The following LRP4 variants were observed in gnomAD, a reference collection of about 807,000 sequenced individuals.
LRP4 encodes the protein LDL receptor related protein 4, also known as low-density lipoprotein receptor-related protein 4.
LRP4 carries 95 observed loss-of-function variants against 220.3 expected under a neutral mutation model. The observed-to-expected ratio is 0.43, with a 90% CI of 0.37 to 0.51. The LOEUF (loss-of-function observed/expected upper bound fraction) is 0.51, where lower values mean the gene tolerates loss of function less well. Ranked by LOEUF, LRP4 falls within the 20% of genes least tolerant of loss-of-function variation. The probability of loss-of-function intolerance (pLI) is 0.00; values close to 1 mark genes in which losing one functional copy is unlikely to be tolerated. For missense variants in LRP4, 1,925 were observed against 2,567.0 expected (o/e 0.75, Z 5.40); for synonymous variants, 903 against 954.6 (o/e 0.95, Z 1.00).
intron 1 of LRP4, among the ~76,000 whole-genome samples, chr11:46,906,750 T>C (rs1313984215): frequency 6.6e-6 from 1 of 152,032 alleles, no homozygotes; most frequent in Non-Finnish European, 1.5e-5. Context: ...ACCCCCGCCT[T>C]TGGCTGAGTG....
intron 1 of LRP4, among the ~76,000 whole-genome samples, chr11:46,914,427 C>T (rs1052408351): frequency 4.6e-5 from 7 of 152,198 alleles, no homozygotes; most frequent in South Asian, 2.1e-4. Context: ...CCCGATTGTA[C>T]GAGGAACTCA....
intron 1 of LRP4, among the ~76,000 whole-genome samples, chr11:46,911,827 A>AC (rs2134886382): frequency 6.7e-6 from 1 of 149,262 alleles, no homozygotes; most frequent in South Asian, 2.1e-4. Flanking sequence ...TCCCATCTGT[A>AC]AGATGGGAAT....
intron 1 of LRP4, among the ~76,000 whole-genome samples, chr11:46,907,106 G>C (rs572477485): frequency 1.8e-4 from 27 of 152,300 alleles, no homozygotes; most frequent in African/African-American, 6.5e-4. Flanking sequence ...GGTGAGTGAA[G>C]AAAGAAAACA....
chr11:46,910,923 G>A (rs1018092050), intron 1 of LRP4, among the ~76,000 whole-genome samples: 1 of 152,012 alleles, frequency 6.6e-6, no homozygotes, highest in Non-Finnish European at 1.5e-5. Context: ...TGATCCACCT[G>A]TCTCGGCCTC....
chr11:46,895,163 T>C lies in LRP4; in HGVS notation c.1309+3A>G, dbSNP rs763940627. 4 of 1,613,726 alleles carry C rather than the reference T, an allele frequency of 2.5e-6. No homozygotes were observed. Among genetic ancestry groups the C allele is most frequent in the Non-Finnish European group, 3.4e-6 (4 of 1,180,024 alleles). The stretch of plus-strand genomic sequence containing the variant: ...CACCCAGCCAAGTGCCAACAGCCCT[T>C]ACCCAGAGCCTTGCAGCTGCGCCGG... On this transcript the variant is annotated splice_donor_region_variant and intron_variant, in intron 11 of 37. Coordinates refer to ENST00000378623, the MANE Select transcript of LRP4 (RefSeq NM_002334.4).
Position 46,875,791 on chromosome 11 carries a change from A to ACAC in LRP4, c.3699+10_3699+12dup. On this transcript the variant is annotated intron_variant, in intron 26 of 37. Transcript: ENST00000378623. The surrounding 1 kb of genome is among the most constrained non-coding windows in gnomAD (Gnocchi z 4.5). ...CCCAGGCTCCTGGGAAGCAGCAGGG[A>ACAC]CACGGCTCTCACCTCGGTGTGGGCA... is the stretch of plus-strand genomic sequence containing the variant. 1 of 1,614,026 alleles carries ACAC rather than the reference A, an allele frequency of 6.2e-7. No homozygotes were observed. The highest frequency in any genetic ancestry group is 8.5e-7 in the Non-Finnish European group (1 of 1,180,008).
chr11:46,867,134 CTTTAA>C (rs1186227584), intron 34 of LRP4, among the ~76,000 whole-genome samples: 1 of 151,964 alleles, frequency 6.6e-6, no homozygotes, highest in Non-Finnish European at 1.5e-5. Context: ...TGAATAGCAC[CTTTAA>C]TTTAATGAAA....
Position 46,894,570 on chromosome 11 carries a change from A to T in LRP4, c.1540+19T>A. On this transcript the variant is annotated intron_variant, in intron 12 of 37. Transcript: ENST00000378623. ...ATGTGGCATGGCTCTGCCCCTCTCC[A>T]TGGGGCCTTGTTCCCTACCTGGGCT... The T allele has an allele frequency of 1.3e-6, 2 of 1,570,472 alleles. No individual in the cohort carries two copies. Among genetic ancestry groups the T allele is most frequent in the Non-Finnish European group, 8.7e-7 (1 of 1,152,010 alleles).
chr11:46,896,294 C>G lies in LRP4; in HGVS notation c.964G>C (p.Gly322Arg). The change falls in exon 9 of 38, where the codon GGG (glycine) becomes CGG (arginine). Residue 322 changes from glycine (G) to arginine (R), a missense_variant. Gly to Arg is a moderately radical substitution (Grantham distance 125, BLOSUM62 -2). Coordinates refer to ENST00000378623, the MANE Select transcript of LRP4 (RefSeq NM_002334.4). ...AGCTTCCTCTGCCCAATGCAGCGCC[C>G]ATTCCAACACAGGAACTGGTCCAAG... is the stretch of plus-strand genomic sequence containing the variant. ...CALDQFLCWN[G>R]RCIGQRKLCN... The G allele has an allele frequency of 6.2e-7, 1 of 1,614,178 alleles. No individual in the cohort carries two copies. The highest frequency in any genetic ancestry group is 8.5e-7 in the Non-Finnish European group (1 of 1,180,046).
At chr11:46,860,395 AC>A (rs1445414213) in intron 37 of LRP4, among the ~76,000 whole-genome samples, 1 of 152,010 alleles carries the variant, frequency 6.6e-6, no homozygotes, top group African/African-American at 2.4e-5. Flanking sequence ...CCCAAGCAAA[AC>A]CTGGGACTCT....
rs1565797188 is a variant in LRP4, at chr11:46,895,922, G to A, written c.1145C>T (p.Thr382Ile). 1 of 1,613,874 alleles carries A rather than the reference G, an allele frequency of 6.2e-7. No individual in the cohort carries two copies. Among genetic ancestry groups the A allele is most frequent in the Non-Finnish European group, 8.5e-7 (1 of 1,180,006 alleles). The change falls in exon 10 of 38, where the codon ACA (threonine) becomes ATA (isoleucine). Residue 382 changes from threonine to isoleucine, a missense_variant. This residue lies in a region of LRP4 where 269 missense variants were observed against 436.7 expected (regional missense o/e 0.62). Transcript: ENST00000378623. ...VRGAVQCTCH[T>I]GYRLTEDGHT... is the part of the protein sequence containing the mutation. ...CCCATCCTCTGTGAGCCGGTAGCCTGTGTGGCAGGTACACTGCACTGCCCC... is the reference window on the plus strand; with the variant it reads ...CCCATCCTCTGTGAGCCGGTAGCCTATGTGGCAGGTACACTGCACTGCCCC...
At chr11:46,898,858 C>A (rs778645660) in intron 6 of LRP4, 46 bp downstream of exon 6, 8 of 1,613,404 alleles carry the variant, frequency 5.0e-6, no homozygotes, top group Non-Finnish European at 5.1e-6. Flanking sequence ...CCAAGCAGTT[C>A]TTCCCAGCCT....
chr11:46,916,105 C>T (rs1053766984), intron 1 of LRP4, among the ~76,000 whole-genome samples: 3 of 152,124 alleles, frequency 2.0e-5, no homozygotes, highest in Admixed American at 6.5e-5. Context: ...GCACAGAAAG[C>T]TTCCCATGCT....
At chr11:46,863,787 TAA>T (rs1330868639) in intron 36 of LRP4, among the ~76,000 whole-genome samples, 1 of 151,596 alleles carries the variant, frequency 6.6e-6, no homozygotes, top group Non-Finnish European at 1.5e-5. Flanking sequence ...TTAAAAAAAA[TAA>T]ACTTTCTGAG....
At position 46,873,926 on chromosome 11, in the gene LRP4, C is replaced by T. The variant is rs1184697982; in HGVS notation, c.4230-333G>A. The T allele has an allele frequency of 1.2e-5, 4 of 325,580 alleles. No homozygotes were observed. Among genetic ancestry groups the T allele is most frequent in the South Asian group, 1.8e-4 (2 of 11,266 alleles). The allele number at this position is 325,580 out of a possible 1,614,324, so 20.2% of individuals were successfully genotyped here. A position where few individuals can be genotyped will look rare whatever the true frequency, so the allele number is the denominator to read the frequency against. On this transcript the variant is annotated intron_variant, in intron 28 of 37. Coordinates refer to ENST00000378623, the MANE Select transcript of LRP4 (RefSeq NM_002334.4). This position sits in a 1 kb window ranked among gnomAD's most constrained non-coding sequence, Gnocchi z 4.2. ...ATTGCTAGGTGGTGATGATAAGAAA[C>T]GCAGATTTGTCAAAACCAACCTGTG...
chr11:46,901,245 C>G (rs1941659978), intron 2 of LRP4, among the ~76,000 whole-genome samples: 1 of 152,168 alleles, frequency 6.6e-6, no homozygotes, highest in African/African-American at 2.4e-5. Context: ...ACCCAAAGAA[C>G]TCACAGGAGC....
At chr11:46,883,260 CA>C (rs987682144) in intron 19 of LRP4, among the ~76,000 whole-genome samples, 2 of 152,198 alleles carry the variant, frequency 1.3e-5, no homozygotes, top group African/African-American at 4.8e-5. Context: ...AACTGGCCCC[CA>C]AAACTGGCCA....
intron 37 of LRP4, among the ~76,000 whole-genome samples, chr11:46,861,311 AT>A (rs1940540035): frequency 6.6e-6 from 1 of 152,138 alleles, no homozygotes; most frequent in South Asian, 2.1e-4. Flanking sequence ...CATGATTATT[AT>A]GTGAAATGTG....
chr11:46,867,102 C>G (rs1250583268), intron 34 of LRP4, among the ~76,000 whole-genome samples: 3 of 152,078 alleles, frequency 2.0e-5, no homozygotes, highest in African/African-American at 7.2e-5. Context: ...TTTAATTTCT[C>G]AAATCAGGAA....
Sources: allele counts gnomAD v4.1 joint callset (sites outside exome capture counted in the v4.1 genomes callset), GRCh38; gene constraint gnomAD v4.1.1; regional missense constraint gnomAD v4.1.1; non-coding constraint Gnocchi (gnomAD v3.1); transcripts MANE v1.5; gene names NCBI Gene and HGNC (gene_info 2026-07-23, HGNC 2026-07-21).